Variants in ARPP21 observed in about 807,000 individuals in gnomAD.
ARPP21 encodes the protein cAMP regulated phosphoprotein 21.
ARPP21 carries 69 observed loss-of-function variants against 113.2 expected under a neutral mutation model. The observed-to-expected ratio is 0.61, with a 90% confidence interval of 0.50 to 0.74. The LOEUF is 0.74. Ranked by LOEUF, ARPP21 falls within the 30% of genes least tolerant of loss-of-function variation. The pLI, the probability that ARPP21 is intolerant of heterozygous loss-of-function variation, is 0.00. For synonymous variants in ARPP21, 368 were observed against 375.5 expected (o/e 0.98, Z 0.23); for missense variants, 1,070 against 1,037.4 (o/e 1.03, Z -0.43).
intron 19 of ARPP21, among the ~76,000 whole-genome samples, chr3:35,777,992 A>G (rs910569076): frequency 1.8e-4 from 28 of 152,334 alleles, no homozygotes; most frequent in African/African-American, 6.5e-4. Flanking sequence ...TAAATTTGAG[A>G]GTTAACATTT....
chr3:35,756,307 A>AT (rs2095567003), intron 19 of ARPP21, among the ~76,000 whole-genome samples: 1 of 152,096 alleles, frequency 6.6e-6, no homozygotes, highest in Non-Finnish European at 1.5e-5. Context: ...CACTCTGTTT[A>AT]GAGCTTATGC....
intron 1 of ARPP21, among the ~76,000 whole-genome samples, chr3:35,647,879 G>GA (rs1700842610): frequency 6.6e-6 from 1 of 152,248 alleles, no homozygotes; most frequent in Non-Finnish European, 1.5e-5. Flanking sequence ...GTGGGAATAA[G>GA]ACCTACCTTG....
chr3:35,715,576 A>G (rs1397894860), intron 12 of ARPP21, 100 bp downstream of exon 12: 5 of 926,788 alleles, frequency 5.4e-6, no homozygotes, highest in Non-Finnish European at 8.7e-6. Context: ...TGTGTGCTTG[A>G]ATATATGTAT....
chr3:35,684,639 TTG>T (rs2149513010), intron 5 of ARPP21: 1 of 985,376 alleles, frequency 1.0e-6, no homozygotes, highest in Admixed American at 6.2e-5. Context: ...GGAGGGAAAA[TTG>T]ATTAAGATAT....
intron 19 of ARPP21, among the ~76,000 whole-genome samples, chr3:35,756,259 G>A (rs181186477): frequency 6.6e-6 from 1 of 152,170 alleles, no homozygotes; most frequent in Admixed American, 6.6e-5. Flanking sequence ...GAAACTCATC[G>A]AATTAGTATA....
At chr3:35,671,678 C>T (rs776158484) in intron 1 of ARPP21, among the ~76,000 whole-genome samples, 3 of 151,932 alleles carry the variant, frequency 2.0e-5, no homozygotes, top group South Asian at 4.2e-4. Flanking sequence ...GGCACTTCCT[C>T]CTAAGGGGAA....
rs2090183207 is a variant in ARPP21 at position 35,708,995 on chromosome 3, T to C, written c.822T>C (p.Asp274=). The C allele has an allele frequency of 1.2e-6, 2 of 1,613,672 alleles. No individual in the cohort carries two copies. The highest frequency in any genetic ancestry group is 1.1e-5 in the South Asian group (1 of 91,062). Residue 274 remains aspartate, a synonymous_variant, in exon 11 of 21, where the codon GAT becomes GAC. Transcript: ENST00000684406. ...AAAACAGAATGCATCCATTTAGAGA[T>C]GACAGACGAAGTAAATCAATTGAAG... ...NQQNRMHPFR[D]DRRSKSIEER...
chr3:35,655,078 A>G (rs1024759392), intron 1 of ARPP21, among the ~76,000 whole-genome samples: 2 of 151,962 alleles, frequency 1.3e-5, no homozygotes, highest in African/African-American at 4.8e-5. Flanking sequence ...CATAAAACAT[A>G]TTGCTACAAA....
At chr3:35,758,584 A>G (rs1234589877) in intron 19 of ARPP21, among the ~76,000 whole-genome samples, 1 of 146,576 alleles carries the variant, frequency 6.8e-6, no homozygotes, top group Non-Finnish European at 1.5e-5. Context: ...ATGTGATGAG[A>G]AAAAAAAAAA....
intron 19 of ARPP21, among the ~76,000 whole-genome samples, chr3:35,787,548 T>G (rs1417654283): frequency 2.0e-5 from 3 of 152,194 alleles, no homozygotes; most frequent in Admixed American, 2.0e-4. Context: ...GTCTTCCTGG[T>G]GTTTCGCTCT....
chr3:35,684,800 G>GT (rs199892132), intron 5 of ARPP21: 1,103 of 959,552 alleles, frequency 1.1e-3, no homozygotes, highest in Middle Eastern at 2.1e-3. Flanking sequence ...CTAAGAGAGT[G>GT]TTTTTTTTTC....
At chr3:35,761,114 A>T (rs977105883) in intron 19 of ARPP21, among the ~76,000 whole-genome samples, 1 of 152,040 alleles carries the variant, frequency 6.6e-6, no homozygotes, top group Non-Finnish European at 1.5e-5. Flanking sequence ...TCTGAGTTTT[A>T]TTTTCTTCTC....
intron 9 of ARPP21, among the ~76,000 whole-genome samples, chr3:35,697,081 T>C (rs886902489): frequency 6.6e-6 from 1 of 151,616 alleles, no homozygotes; most frequent in African/African-American, 2.4e-5. Flanking sequence ...GAGAATCCCA[T>C]GTATTATCTG....
intron 19 of ARPP21, among the ~76,000 whole-genome samples, chr3:35,762,723 G>T (rs1045362031): frequency 6.6e-6 from 1 of 152,012 alleles, no homozygotes; most frequent in East Asian, 1.9e-4. Context: ...CAAAAAGGAG[G>T]GTTCTAAGAC....
chr3:35,650,962 A>G (rs1423708321), intron 1 of ARPP21, among the ~76,000 whole-genome samples: 1 of 152,148 alleles, frequency 6.6e-6, no homozygotes, highest in Non-Finnish European at 1.5e-5. Context: ...TCAAAAGACA[A>G]GTTATTCTTT....
intron 7 of ARPP21, 141 bp from the exon 8 acceptor site, chr3:35,689,940 C>A: frequency 1.8e-6 from 1 of 560,038 alleles, no homozygotes; most frequent in Non-Finnish European, 3.2e-6. Context: ...TGTAAATGGT[C>A]AGCATATTCC....
chr3:35,652,727 G>A (rs1702944562), intron 1 of ARPP21, among the ~76,000 whole-genome samples: 1 of 151,928 alleles, frequency 6.6e-6, no homozygotes, highest in South Asian at 2.1e-4. Context: ...ATCGATAAAT[G>A]GTAAAGAAGA....
Position 35,739,392 on chromosome 3 carries a change from T to A in ARPP21, c.1825T>A (p.Ser609Thr). Residue 609 changes from serine (S) to threonine (T), a missense_variant, in exon 18 of 21, where the codon TCA becomes ACA. Transcript: ENST00000684406. ...QSSGETPEPPSGPVYPSSLMP... is the reference protein window; with the variant it reads ...QSSGETPEPPTGPVYPSSLMP... ...CTCGGGGGAGACTCCTGAACCCCCA[T>A]CAGGTCCTGTCTACCCATCCTCCCT... The A allele has an allele frequency of 6.2e-7, 1 of 1,614,024 alleles. No homozygotes were observed. Among genetic ancestry groups the A allele is most frequent in the Non-Finnish European group, 8.5e-7 (1 of 1,179,982 alleles).
chr3:35,744,639 G>C, intron 19 of ARPP21: 2 of 377,700 alleles, frequency 5.3e-6, no homozygotes, highest in Non-Finnish European at 5.5e-6. Flanking sequence ...GGAGAGGTTT[G>C]TGTCATTCCT....
Sources: allele counts gnomAD v4.1 joint callset (sites outside exome capture counted in the v4.1 genomes callset), GRCh38; gene constraint gnomAD v4.1.1; transcripts MANE v1.5; gene names NCBI Gene and HGNC (gene_info 2026-07-23, HGNC 2026-07-21).